The following PTPRD variants were observed in gnomAD, a reference collection of about 807,000 sequenced individuals.
PTPRD encodes the protein receptor-type tyrosine-protein phosphatase delta.
Under a neutral mutation model 214.5 loss-of-function variants are expected in PTPRD, and 34 were observed. The observed-to-expected ratio is 0.16, with a 90% CI of 0.12 to 0.21. The LOEUF is 0.21. Ranked by LOEUF, PTPRD falls within the 10% of genes least tolerant of loss-of-function variation. PTPRD has a pLI of 1.00. For synonymous variants in PTPRD, 1,128 were observed against 845.7 expected, an observed-to-expected ratio of 1.33 and a Z score of -5.79; for missense variants, 2,545 against 2,398.7, an observed-to-expected ratio of 1.06 and a Z score of -1.27.
intron 8 of PTPRD, among the ~76,000 whole-genome samples, chr9:9,456,230 G>A (rs1172810276): frequency 6.6e-6 from 1 of 151,732 alleles, no homozygotes; most frequent in Non-Finnish European, 1.5e-5. Flanking sequence ...GTAGTTCAAT[G>A]AAACAATAAA....
At chr9:9,876,065 T>C (rs2153725338) in intron 5 of PTPRD, among the ~76,000 whole-genome samples, 1 of 152,012 alleles carries the variant, frequency 6.6e-6, no homozygotes, top group East Asian at 1.9e-4. Context: ...TAAAGGATAG[T>C]TGGAAGGAAG....
chr9:9,064,616 C>A (rs750129502), intron 10 of PTPRD, among the ~76,000 whole-genome samples: 1 of 152,204 alleles, frequency 6.6e-6, no homozygotes, highest in Non-Finnish European at 1.5e-5. Flanking sequence ...CTGTCCCACA[C>A]CAAATACATT....
At chr9:9,196,567 G>A (rs1593341602) in intron 9 of PTPRD, among the ~76,000 whole-genome samples, 4 of 152,096 alleles carry the variant, frequency 2.6e-5, no homozygotes, top group African/African-American at 7.2e-5. Flanking sequence ...ATACGGTTAT[G>A]CCATTTTAAA....
chr9:10,509,719 T>C (rs1274885745), intron 2 of PTPRD, among the ~76,000 whole-genome samples: 5 of 151,344 alleles, frequency 3.3e-5, no homozygotes, highest in East Asian at 1.9e-4. Flanking sequence ...GGTTCCATGA[T>C]ACAGAGGACA....
At chr9:8,928,546 T>C (rs2098920810) in intron 11 of PTPRD, among the ~76,000 whole-genome samples, 1 of 151,138 alleles carries the variant, frequency 6.6e-6, no homozygotes, top group African/African-American at 2.4e-5. Flanking sequence ...GCCTCTGTTC[T>C]GGTCCGTTGG....
At chr9:9,966,992 T>G (rs562456400) in intron 4 of PTPRD, among the ~76,000 whole-genome samples, 1 of 151,988 alleles carries the variant, frequency 6.6e-6, no homozygotes, top group African/African-American at 2.4e-5. Context: ...TAATGGAGAG[T>G]TTAGGGACTA....
intron 11 of PTPRD, among the ~76,000 whole-genome samples, chr9:8,970,837 G>T (rs912523258): frequency 6.6e-6 from 1 of 151,690 alleles, no homozygotes; most frequent in African/African-American, 2.4e-5. Flanking sequence ...AATACAGGTA[G>T]CTCATCTGAA....
intron 7 of PTPRD, among the ~76,000 whole-genome samples, chr9:9,651,842 T>TG (rs1456121986): frequency 3.7e-5 from 5 of 136,548 alleles, no homozygotes; most frequent in South Asian, 2.5e-4. Context: ...TTTTTTTTTT[T>TG]TTTTTTTTTT....
At position 8,985,429 on chromosome 9, in the gene PTPRD, G is replaced by C. The variant is rs374263145; in HGVS notation, c.-104+33268C>G. Among the ~76,000 whole-genome samples, 3 of 151,946 alleles carry C rather than the reference G, an allele frequency of 2.0e-5. No individual in the cohort carries two copies. In the East Asian group the frequency reaches 5.8e-4, roughly 29 times the overall value. The stretch of plus-strand genomic sequence containing the variant: ...GACCAACATAGATCCATTAATACAG[G>C]TTGTAATAGCTAAAAGCAATGACAG... On this transcript the variant is annotated intron_variant, in intron 11 of 45. Transcript: ENST00000381196.
At chr9:9,022,479 T>C (rs1025116780) in intron 10 of PTPRD, among the ~76,000 whole-genome samples, 1 of 152,126 alleles carries the variant, frequency 6.6e-6, no homozygotes, top group South Asian at 2.1e-4. Context: ...TGTGTTAGAG[T>C]TGCTTACAGT....
intron 11 of PTPRD, among the ~76,000 whole-genome samples, chr9:8,799,830 A>C (rs1347692636): frequency 1.3e-5 from 2 of 151,850 alleles, no homozygotes; most frequent in African/African-American, 4.8e-5. Flanking sequence ...TAATGTTTTG[A>C]TCTCCCAACT....
chr9:8,917,622 C>A (rs1392850995), intron 11 of PTPRD, among the ~76,000 whole-genome samples: 2 of 152,084 alleles, frequency 1.3e-5, no homozygotes, highest in African/African-American at 4.8e-5. Context: ...CTCAGCCAAT[C>A]TGGAGAACTC....
intron 10 of PTPRD, among the ~76,000 whole-genome samples, chr9:9,066,600 AG>A (rs1049401935): frequency 1.3e-5 from 2 of 152,140 alleles, no homozygotes; most frequent in African/African-American, 4.8e-5. Context: ...GGAACTTGAG[AG>A]GGGGGAGATT....
intron 3 of PTPRD, among the ~76,000 whole-genome samples, chr9:10,146,963 A>G (rs1217759860): frequency 6.6e-6 from 1 of 152,158 alleles, no homozygotes; most frequent in East Asian, 1.9e-4. Flanking sequence ...TCTTAGATCC[A>G]GACATGTAGG....
intron 8 of PTPRD, chr9:9,414,958 C>T: frequency 6.6e-6 from 1 of 152,172 alleles, no homozygotes; most frequent in Non-Finnish European, 1.5e-5. Context: ...TTTAGAAGGG[C>T]CACACACTTG....
chr9:8,566,918 G>C (rs2089467283), intron 14 of PTPRD, among the ~76,000 whole-genome samples: 1 of 152,124 alleles, frequency 6.6e-6, no homozygotes, highest in Non-Finnish European at 1.5e-5. Flanking sequence ...GCTGCTCCAA[G>C]TAAAAACTTC....
chr9:10,486,711 T>C (rs1269295683), intron 2 of PTPRD, among the ~76,000 whole-genome samples: 1 of 152,240 alleles, frequency 6.6e-6, no homozygotes, highest in Non-Finnish European at 1.5e-5. Flanking sequence ...TAGGACATTT[T>C]TGTGACATAA....
intron 9 of PTPRD, among the ~76,000 whole-genome samples, chr9:9,307,672 T>A (rs1211418985): frequency 6.6e-6 from 1 of 152,180 alleles, no homozygotes; most frequent in Non-Finnish European, 1.5e-5. Context: ...AAGTGATCAT[T>A]CTGAATTACA....
intron 30 of PTPRD, among the ~76,000 whole-genome samples, chr9:8,471,573 T>G (rs1384744853): frequency 2.0e-5 from 3 of 152,174 alleles, no homozygotes; most frequent in African/African-American, 7.2e-5. Context: ...AATTAAAAAT[T>G]TTTAAGTAAC....
Sources: gnomAD v4.1 joint callset for allele counts (sites outside exome capture counted in the v4.1 genomes callset) on GRCh38, gnomAD v4.1.1 for gene constraint, MANE v1.5 for transcripts, NCBI Gene and HGNC (gene_info 2026-07-23, HGNC 2026-07-21) for gene names.